Variants in CCDC73 observed in about 807,000 individuals in gnomAD.
The protein encoded by CCDC73 is coiled-coil domain containing 73.
In CCDC73, 95 loss-of-function variants were observed where a neutral mutation model predicts 116.5. The observed-to-expected ratio is 0.82, with a 90% CI of 0.69 to 0.97. CCDC73 has a LOEUF of 0.97. Ranked by LOEUF, CCDC73 falls within the 50% of genes least tolerant of loss-of-function variation. The pLI, the probability that CCDC73 is intolerant of heterozygous loss-of-function variation, is 0.00. For synonymous variants in CCDC73, 398 were observed against 401.3 expected (o/e 0.99, Z 0.10); for missense variants, 1,066 against 1,206.8 (o/e 0.88, Z 1.73).
chr11:32,724,776 C>A (rs1340395949), intron 2 of CCDC73, among the ~76,000 whole-genome samples: 2 of 152,096 alleles, frequency 1.3e-5, no homozygotes, highest in African/African-American at 4.8e-5. Flanking sequence ...ACATCACATG[C>A]GAACTGCCTG....
chr11:32,794,166 A>C (rs1028362467), intron 1 of CCDC73, among the ~76,000 whole-genome samples: 3 of 152,214 alleles, frequency 2.0e-5, no homozygotes, highest in Non-Finnish European at 4.4e-5. Context: ...CACCAATAAC[A>C]GTTCCAAATG....
intron 14 of CCDC73, among the ~76,000 whole-genome samples, chr11:32,619,804 G>A (rs888304011): frequency 6.7e-6 from 1 of 148,810 alleles, no homozygotes; most frequent in Non-Finnish European, 1.5e-5. Context: ...GGAGGAAAAG[G>A]AGGAGGTGAA....
intron 3 of CCDC73, among the ~76,000 whole-genome samples, chr11:32,704,261 G>A (rs149865195): frequency 1.4e-3 from 218 of 152,350 alleles, no homozygotes; most frequent in African/African-American, 4.9e-3. Context: ...AAGCCCCCTT[G>A]AAGCTGAAGC....
At chr11:32,769,068 T>C (rs1403713834) in intron 1 of CCDC73, among the ~76,000 whole-genome samples, 1 of 152,134 alleles carries the variant, frequency 6.6e-6, no homozygotes, top group Non-Finnish European at 1.5e-5. Context: ...TACCAAGTAT[T>C]AGTAAAGAAA....
intron 14 of CCDC73, among the ~76,000 whole-genome samples, chr11:32,631,425 A>C (rs1855629042): frequency 6.6e-6 from 1 of 152,222 alleles, no homozygotes; most frequent in Admixed American, 6.5e-5. Context: ...GAAATCATTA[A>C]TAGGAAGATA....
the CCDC73 span, among the ~76,000 whole-genome samples, chr11:32,806,828 G>A: frequency 6.6e-6 from 1 of 152,136 alleles, no homozygotes; most frequent in Admixed American, 6.6e-5. Context: ...TCTGACATGG[G>A]CCCCAGGCAG....
At chr11:32,709,900 A>G (rs1420139534) in intron 3 of CCDC73, among the ~76,000 whole-genome samples, 1 of 152,178 alleles carries the variant, frequency 6.6e-6, no homozygotes, top group African/African-American at 2.4e-5. Flanking sequence ...TGGTCTGTTC[A>G]GAGTTTCTAT....
the CCDC73 span, among the ~76,000 whole-genome samples, chr11:32,817,809 C>G: frequency 6.6e-6 from 1 of 152,176 alleles, no homozygotes; most frequent in South Asian, 2.1e-4. Context: ...TCATGCTTTC[C>G]AAAATATGAA....
chr11:32,629,711 T>C lies in CCDC73; in HGVS notation c.1185+5985A>G, dbSNP rs182840814. On this transcript the variant is annotated intron_variant, in intron 14 of 17. Transcript: ENST00000335185. Reference sequence around the variant, plus strand: ...TGCCCAGCCGATATAAAGACACTTATAAAGATGGGTTATAAATATAAGAAT... The same window carrying C: ...TGCCCAGCCGATATAAAGACACTTACAAAGATGGGTTATAAATATAAGAAT... Among the ~76,000 whole-genome samples the C allele has an allele frequency of 2.2e-3, 278 of 128,570 alleles. 1 individual carries two copies. The highest frequency in any genetic ancestry group is 8.0e-3 in the African/African-American group (263 of 32,994). 84.3% of individuals were successfully genotyped at this position (128,570 alleles called of 152,430 possible).
chr11:32,771,266 A>G (rs188491426), intron 1 of CCDC73, among the ~76,000 whole-genome samples: 4 of 152,262 alleles, frequency 2.6e-5, no homozygotes, highest in Middle Eastern at 3.4e-3. Context: ...ACAACCACCC[A>G]TTTGCAAACA....
chr11:32,614,502 A>G lies in CCDC73; in HGVS notation c.1816T>C (p.Leu606=). 6.2e-7 allele frequency: 1 copy of G among 1,613,378 alleles called. No individual in the cohort carries two copies. The highest frequency in any genetic ancestry group is 8.5e-7 in the Non-Finnish European group (1 of 1,179,600). The change falls in exon 16 of 18, where the codon TTG becomes CTG. Residue 606 remains leucine (L), a synonymous_variant. Transcript: ENST00000335185. Reference sequence around the variant, plus strand: ...GCATGTTCTCGAGTCCCTGGAAGCAATCTGAATTGTTTGAATGGCTCATTT... The same window carrying G: ...GCATGTTCTCGAGTCCCTGGAAGCAGTCTGAATTGTTTGAATGGCTCATTT... ...SENEPFKQFR[L]LPGTREHALE...
chr11:32,770,105 G>A (rs1850479713), intron 1 of CCDC73, among the ~76,000 whole-genome samples: 1 of 152,152 alleles, frequency 6.6e-6, no homozygotes, highest in African/African-American at 2.4e-5. Flanking sequence ...TATATAGGCT[G>A]TTTTATACAA....
chr11:32,654,763 A>T, intron 10 of CCDC73, 81 bp downstream of exon 10: 2 of 1,050,976 alleles, frequency 1.9e-6, no homozygotes, highest in South Asian at 4.0e-5. Context: ...AAGGCGGAGT[A>T]TTTTTGTGTT....
At chr11:32,713,136 T>C (rs1375069463) in intron 3 of CCDC73, among the ~76,000 whole-genome samples, 2 of 152,080 alleles carry the variant, frequency 1.3e-5, no homozygotes, top group African/African-American at 4.8e-5. Flanking sequence ...TAAATTTACA[T>C]GTAATCTTGT....
At chr11:32,772,570 CTTGT>C (rs1315842340) in intron 1 of CCDC73, among the ~76,000 whole-genome samples, 10 of 152,014 alleles carry the variant, frequency 6.6e-5, no homozygotes, top group African/African-American at 2.4e-4. Context: ...CATACTTGTC[CTTGT>C]TTAAGGAGAT....
At chr11:32,643,693 G>A (rs557264964) in intron 12 of CCDC73, among the ~76,000 whole-genome samples, 1 of 152,224 alleles carries the variant, frequency 6.6e-6, no homozygotes, top group East Asian at 1.9e-4. Context: ...AACTATATAA[G>A]GTACTTACCA....
At chr11:32,739,997 G>A (rs1850169543) in intron 2 of CCDC73, among the ~76,000 whole-genome samples, 1 of 151,962 alleles carries the variant, frequency 6.6e-6, no homozygotes, top group African/African-American at 2.4e-5. Context: ...TTGCATATGT[G>A]GAAACATCCT....
At chr11:32,777,642 A>G (rs1474106625) in intron 1 of CCDC73, among the ~76,000 whole-genome samples, 2 of 152,102 alleles carry the variant, frequency 1.3e-5, no homozygotes, top group Non-Finnish European at 2.9e-5. Context: ...TTTCTATACT[A>G]TTGAGACTTT....
intron 2 of CCDC73, among the ~76,000 whole-genome samples, chr11:32,737,273 G>GTGTGTATA (rs1341655491): frequency 7.6e-6 from 1 of 131,750 alleles, no homozygotes; most frequent in African/African-American, 2.9e-5. Flanking sequence ...GTGTGTGTGT[G>GTGTGTATA]TATATACATG....
Sources: gnomAD v4.1 joint callset for allele counts (sites outside exome capture counted in the v4.1 genomes callset) on GRCh38, gnomAD v4.1.1 for gene constraint, MANE v1.5 for transcripts, NCBI Gene and HGNC (gene_info 2026-07-23, HGNC 2026-07-21) for gene names.